The following MSI2 variants were observed in gnomAD, a reference collection of about 807,000 sequenced individuals.
MSI2 encodes musashi RNA binding protein 2.
A neutral mutation model predicts 45.6 loss-of-function variants in MSI2; 17 were observed. That is an observed-to-expected ratio of 0.37 (90% CI 0.26 to 0.56). The LOEUF (loss-of-function observed/expected upper bound fraction) is 0.56, where lower values mean the gene tolerates loss of function less well. Ranked by LOEUF, MSI2 falls within the 20% of genes least tolerant of loss-of-function variation. MSI2 has a pLI of 0.77. For synonymous variants in MSI2, 156 were observed against 158.2 expected (o/e 0.99, Z 0.11); for missense variants, 293 against 444.2 (o/e 0.66, Z 3.06).
intron 6 of MSI2, among the ~76,000 whole-genome samples, chr17:57,476,663 C>T (rs1473691056): frequency 2.6e-5 from 4 of 152,144 alleles, no homozygotes; most frequent in African/African-American, 7.2e-5. Context: ...CTTTGCTGTC[C>T]CTTAGGACCT....
chr17:57,336,034 G>C (rs1226805129), intron 5 of MSI2, among the ~76,000 whole-genome samples: 1 of 152,228 alleles, frequency 6.6e-6, no homozygotes, highest in Non-Finnish European at 1.5e-5. Flanking sequence ...TTTGACAAGA[G>C]AGGACTTCTG....
intron 7 of MSI2, among the ~76,000 whole-genome samples, chr17:57,534,166 C>T (rs1399577183): frequency 2.0e-5 from 3 of 152,234 alleles, no homozygotes; most frequent in Admixed American, 1.3e-4. Flanking sequence ...AGAGCTGGGA[C>T]GTAAACCCAG....
At chr17:57,531,314 G>T (rs1455627051) in intron 7 of MSI2, among the ~76,000 whole-genome samples, 1 of 152,186 alleles carries the variant, frequency 6.6e-6, no homozygotes, top group East Asian at 1.9e-4. Context: ...CTCCTCACAG[G>T]ATTGCTCGGA....
intron 6 of MSI2, among the ~76,000 whole-genome samples, chr17:57,441,133 G>T (rs2143465486): frequency 6.6e-6 from 1 of 152,298 alleles, no homozygotes; most frequent in East Asian, 1.9e-4. Flanking sequence ...TTTGTATTCT[G>T]TTTCCATTGA....
intron 8 of MSI2, among the ~76,000 whole-genome samples, chr17:57,604,413 G>A (rs1386364004): frequency 1.3e-5 from 2 of 152,112 alleles, no homozygotes; most frequent in African/African-American, 2.4e-5. Context: ...CAAGTGGTGC[G>A]GGACCTGGGC....
At chr17:57,462,850 G>A (rs1273626347) in intron 6 of MSI2, among the ~76,000 whole-genome samples, 1 of 152,234 alleles carries the variant, frequency 6.6e-6, no homozygotes, top group Admixed American at 6.5e-5. Flanking sequence ...AAGGGCTGCT[G>A]TGCCGGCACC....
intron 6 of MSI2, among the ~76,000 whole-genome samples, chr17:57,502,636 T>TATATATATATATAGAGAGAGAG: frequency 3.1e-5 from 3 of 96,902 alleles, no homozygotes; most frequent in Non-Finnish European, 4.3e-5. Context: ...TATATATATA[T>TATATATATATATAGAGAGAGAG]AGTCATCATT....
intron 5 of MSI2, chr17:57,274,418 C>T (rs1288303693): frequency 6.6e-6 from 1 of 152,110 alleles, no homozygotes; most frequent in African/African-American, 2.4e-5. Flanking sequence ...GATGGTATCA[C>T]CTTCATGGGG....
At chr17:57,550,301 C>T (rs73991899) in intron 7 of MSI2, among the ~76,000 whole-genome samples, 4 of 152,108 alleles carry the variant, frequency 2.6e-5, no homozygotes, top group Non-Finnish European at 4.4e-5. Flanking sequence ...GCATCCCAGG[C>T]GACCTTCAGG....
Position 57,633,407 on chromosome 17 carries a change from G to A in MSI2, c.727+6104G>A, listed in dbSNP as rs114242489. Among the ~76,000 whole-genome samples the A allele has an allele frequency of 9.9e-3, 1,502 of 152,346 alleles. 24 individuals are homozygous for A. Among genetic ancestry groups the A allele is most frequent in the African/African-American group, 0.034 (1,415 of 41,578 alleles). Reference sequence around the variant, plus strand: ...GCAGAGTGGCAGAGCATCTGCATGCGCCAGCTGCACAGTATCGCCCCGATG... The same window carrying A: ...GCAGAGTGGCAGAGCATCTGCATGCACCAGCTGCACAGTATCGCCCCGATG... On this transcript the variant is annotated intron_variant, in intron 10 of 13. Transcript: ENST00000284073.
At chr17:57,455,207 A>G (rs1466353551) in intron 6 of MSI2, among the ~76,000 whole-genome samples, 2 of 152,078 alleles carry the variant, frequency 1.3e-5, no homozygotes, top group Non-Finnish European at 2.9e-5. Flanking sequence ...TGCAGCTTGT[A>G]TATGAAACGG....
chr17:57,441,405 C>T (rs1351908685), intron 6 of MSI2, among the ~76,000 whole-genome samples: 1 of 152,206 alleles, frequency 6.6e-6, no homozygotes, highest in African/African-American at 2.4e-5. Flanking sequence ...ACCTCACCAC[C>T]CTGCAACCAG....
chr17:57,635,727 G>T (rs916968511), intron 10 of MSI2, among the ~76,000 whole-genome samples: 1 of 152,232 alleles, frequency 6.6e-6, no homozygotes, highest in African/African-American at 2.4e-5. Context: ...GCCAGTTTGT[G>T]CTCCTACCTC....
At chr17:57,594,701 A>G (rs181805933) in intron 7 of MSI2, among the ~76,000 whole-genome samples, 52 of 152,214 alleles carry the variant, frequency 3.4e-4, no homozygotes, top group Admixed American at 3.2e-3. Flanking sequence ...ACCTGGTGAA[A>G]GGTTTTTTTG....
Position 57,359,700 on chromosome 17 carries a change from C to T in MSI2, c.313-41679C>T, listed in dbSNP as rs1005818643. On this transcript the variant is annotated intron_variant, in intron 5 of 13. Coordinates refer to ENST00000284073, the MANE Select transcript of MSI2 (RefSeq NM_138962.4). ...ACAGCAGGCATTGCTGCTTCCCTTT[C>T]GGAAATCCCAATTGTTGAGGCCCTG... Among the ~76,000 whole-genome samples the T allele has an allele frequency of 4.6e-5, 7 of 152,352 alleles. No homozygotes were observed. In the East Asian group the frequency reaches 5.8e-4, roughly 13 times the overall value.
At chr17:57,694,119 G>A in the MSI2 span, among the ~76,000 whole-genome samples, 1 of 152,180 alleles carries the variant, frequency 6.6e-6, no homozygotes, top group Admixed American at 6.5e-5. Context: ...TTGCAACAGA[G>A]CCCACATGGC....
Position 57,356,771 on chromosome 17 carries a change from T to C in MSI2, c.313-44608T>C, listed in dbSNP as rs147501118. 4.6e-5 allele frequency among the ~76,000 whole-genome samples: 7 copies of C among 152,330 alleles called. No homozygotes were observed. In the East Asian group the frequency reaches 1.2e-3, roughly 25 times the overall value. On this transcript the variant is annotated intron_variant, in intron 5 of 13. Transcript: ENST00000284073. Reference sequence around the variant, plus strand: ...CTTTATAAGTTGGAGTCTTTTGTAATGGGATTTAACTTACTGGTTTTACAG... The same window carrying C: ...CTTTATAAGTTGGAGTCTTTTGTAACGGGATTTAACTTACTGGTTTTACAG...
At chr17:57,341,627 A>G (rs1381230707) in intron 5 of MSI2, among the ~76,000 whole-genome samples, 1 of 152,222 alleles carries the variant, frequency 6.6e-6, no homozygotes, top group Non-Finnish European at 1.5e-5. Context: ...TGTTTGTAGC[A>G]AGTGGTAGCA....
chr17:57,505,660 G>A (rs927928045), intron 6 of MSI2, among the ~76,000 whole-genome samples: 1 of 152,150 alleles, frequency 6.6e-6, no homozygotes. Flanking sequence ...AAAACCAAGA[G>A]AGAATGAAAT....
Sources: allele counts gnomAD v4.1 joint callset (sites outside exome capture counted in the v4.1 genomes callset), GRCh38; gene constraint gnomAD v4.1.1; transcripts MANE v1.5; gene names NCBI Gene and HGNC (gene_info 2026-07-23, HGNC 2026-07-21).